The following GRIA1 variants were observed in gnomAD, a reference collection of about 807,000 sequenced individuals.
GRIA1 encodes glutamate ionotropic receptor AMPA type subunit 1.
Under a neutral mutation model 99.2 loss-of-function variants are expected in GRIA1, and 31 were observed. The observed-to-expected ratio is 0.31, with a 90% confidence interval of 0.23 to 0.42. The LOEUF is 0.42. GRIA1 is among the 10% of genes least tolerant of loss of function. The pLI is 1.00. For synonymous variants in GRIA1, 438 were observed against 432.4 expected, an observed-to-expected ratio of 1.01 and a Z score of -0.16; for missense variants, 782 against 1,157.5, an observed-to-expected ratio of 0.68 and a Z score of 4.71.
intron 2 of GRIA1, among the ~76,000 whole-genome samples, chr5:153,632,840 C>A (rs1402874814): frequency 6.6e-6 from 1 of 152,178 alleles, no homozygotes. Flanking sequence ...TATAGAATAT[C>A]AAGATACATG....
intron 2 of GRIA1, among the ~76,000 whole-genome samples, chr5:153,557,053 G>A (rs887936350): frequency 6.6e-6 from 1 of 152,124 alleles, no homozygotes; most frequent in Non-Finnish European, 1.5e-5. Flanking sequence ...CATAGTAAAG[G>A]TACAGTTAAA....
In GRIA1 at chr5:153,701,797, G is replaced by A. The variant is rs1426234500; in HGVS notation, c.1452+2724G>A. 2.0e-5 allele frequency among the ~76,000 whole-genome samples: 3 copies of A among 151,790 alleles called. No individual in the cohort carries two copies. In the East Asian group the frequency reaches 5.8e-4, roughly 29 times the overall value. On this transcript the variant is annotated intron_variant, in intron 10 of 15. Transcript: ENST00000285900. ...ACCAGAGATCAAGAAAAATTCATTTGGAGGCTTCCAAATTTATTCTTTCTG... is the reference window on the plus strand; with the variant it reads ...ACCAGAGATCAAGAAAAATTCATTTAGAGGCTTCCAAATTTATTCTTTCTG...
At chr5:153,632,610 T>C (rs928544866) in intron 2 of GRIA1, among the ~76,000 whole-genome samples, 1 of 152,208 alleles carries the variant, frequency 6.6e-6, no homozygotes, top group Non-Finnish European at 1.5e-5. Flanking sequence ...AGGACTTTGG[T>C]AAGCTTATTC....
At chr5:153,541,396 G>A (rs964814393) in intron 2 of GRIA1, among the ~76,000 whole-genome samples, 1 of 152,162 alleles carries the variant, frequency 6.6e-6, no homozygotes, top group East Asian at 1.9e-4. Context: ...TGTGCCAGGT[G>A]ACATGCTAGG....
chr5:153,705,494 C>A (rs1758823178), intron 10 of GRIA1, among the ~76,000 whole-genome samples: 1 of 152,078 alleles, frequency 6.6e-6, no homozygotes, highest in African/African-American at 2.4e-5. Flanking sequence ...ACTAGAAAAT[C>A]TCTTGTAAGA....
chr5:153,747,207 C>A (rs66976446), intron 11 of GRIA1, among the ~76,000 whole-genome samples: 13,067 of 152,138 alleles, frequency 0.086, 781 homozygotes, highest in Non-Finnish European at 0.12. Flanking sequence ...CCTCAGGAAG[C>A]TTTTACTCAT....
intron 11 of GRIA1, among the ~76,000 whole-genome samples, chr5:153,748,567 T>G (rs1353257646): frequency 6.6e-6 from 1 of 152,196 alleles, no homozygotes; most frequent in Non-Finnish European, 1.5e-5. Flanking sequence ...AAGATCTCTC[T>G]GGCTCTTGTG....
At chr5:153,692,900 GA>G (rs551054248) in intron 8 of GRIA1, among the ~76,000 whole-genome samples, 152 of 151,966 alleles carry the variant, frequency 1.0e-3, no homozygotes, top group Non-Finnish European at 1.0e-3. Flanking sequence ...ATAAGTAAGG[GA>G]AAAAAATGCC....
intron 2 of GRIA1, among the ~76,000 whole-genome samples, chr5:153,626,812 C>A (rs1355501949): frequency 6.6e-6 from 1 of 152,064 alleles, no homozygotes; most frequent in Non-Finnish European, 1.5e-5. Flanking sequence ...AGAAGGGATG[C>A]AGCGTGGTTA....
At chr5:153,765,023 T>C (rs924159548) in intron 12 of GRIA1, among the ~76,000 whole-genome samples, 5 of 151,860 alleles carry the variant, frequency 3.3e-5, no homozygotes, top group East Asian at 1.9e-4. Flanking sequence ...TCCTATCTCA[T>C]AGAAGGAGCT....
chr5:153,760,140 G>T (rs986318816), intron 11 of GRIA1, among the ~76,000 whole-genome samples: 1 of 151,932 alleles, frequency 6.6e-6, no homozygotes, highest in African/African-American at 2.4e-5. Flanking sequence ...GGAACTAGAC[G>T]AGGATGGCCA....
intron 8 of GRIA1, among the ~76,000 whole-genome samples, chr5:153,692,861 T>C (rs1001740095): frequency 2.0e-5 from 3 of 152,132 alleles, no homozygotes; most frequent in African/African-American, 7.2e-5. Context: ...GAGCACACTA[T>C]GCTAGCCCAT....
chr5:153,633,723 CA>C (rs1400485532), intron 2 of GRIA1, among the ~76,000 whole-genome samples: 2 of 152,086 alleles, frequency 1.3e-5, no homozygotes, highest in Non-Finnish European at 2.9e-5. Context: ...AAATAACTCC[CA>C]AAGAGGAGAA....
At chr5:153,566,120 C>T (rs1761586601) in intron 2 of GRIA1, among the ~76,000 whole-genome samples, 1 of 152,000 alleles carries the variant, frequency 6.6e-6, no homozygotes, top group Non-Finnish European at 1.5e-5. Flanking sequence ...AATTTCTCCA[C>T]ATCCTTACCA....
intron 2 of GRIA1, among the ~76,000 whole-genome samples, chr5:153,572,712 A>T (rs1762218387): frequency 6.6e-6 from 1 of 152,106 alleles, no homozygotes. Context: ...AAGAAGGAGG[A>T]TGATTGTGAG....
At chr5:153,719,010 C>T (rs1266250942) in intron 11 of GRIA1, among the ~76,000 whole-genome samples, 1 of 152,328 alleles carries the variant, frequency 6.6e-6, no homozygotes, top group East Asian at 1.9e-4. Context: ...GTGACCCTTC[C>T]CTGCCAAACC....
At chr5:153,549,605 G>C (rs1237455675) in intron 2 of GRIA1, among the ~76,000 whole-genome samples, 2 of 152,090 alleles carry the variant, frequency 1.3e-5, no homozygotes, top group Non-Finnish European at 2.9e-5. Flanking sequence ...TCCAAAAAGT[G>C]GGCAAAAATG....
chr5:153,784,107 C>G (rs529932947), intron 13 of GRIA1, among the ~76,000 whole-genome samples: 1 of 152,270 alleles, frequency 6.6e-6, no homozygotes, highest in East Asian at 1.9e-4. Flanking sequence ...CTACAGGCAG[C>G]TGGGGCAGGA....
chr5:153,732,939 T>TTTTTTTTTTTGTTTTTTTTTTTGTAGTA (rs70978506), intron 11 of GRIA1, among the ~76,000 whole-genome samples: 1 of 147,654 alleles, frequency 6.8e-6, no homozygotes. Context: ...TTTTTTTTTT[T>TTTTTTTTTTTGTTTTTTTTTTTGTAGTA]CTTTGCATGT....
Sources: gnomAD v4.1 joint callset for allele counts (sites outside exome capture counted in the v4.1 genomes callset) on GRCh38, gnomAD v4.1.1 for gene constraint, MANE v1.5 for transcripts, NCBI Gene and HGNC (gene_info 2026-07-23, HGNC 2026-07-21) for gene names.